KCTD2: variants seen among roughly 807,000 people sequenced by gnomAD.
The protein encoded by KCTD2 is potassium channel tetramerization domain containing 2.
Under a neutral mutation model 27.9 loss-of-function variants are expected in KCTD2, and 18 were observed. That is an observed-to-expected ratio of 0.64 (90% CI 0.45 to 0.96). KCTD2 has a LOEUF of 0.96. KCTD2 is among the 40% of genes least tolerant of loss of function. The probability of loss-of-function intolerance (pLI) is 0.00; values close to 1 mark genes in which losing one functional copy is unlikely to be tolerated. For synonymous variants in KCTD2, 175 were observed against 148.4 expected, an observed-to-expected ratio of 1.18 and a Z score of -1.30; for missense variants, 280 against 348.0, an observed-to-expected ratio of 0.80 and a Z score of 1.56.
chr17:75,038,839 A>G, intron 3 of KCTD2: 2 of 1,408,998 alleles, frequency 1.4e-6, no homozygotes, highest in East Asian at 2.3e-5. Context: ...TATCTCAACC[A>G]CAGAGAAGAA....
chr17:75,055,358 G>A (rs1205442599), intron 3 of KCTD2, among the ~76,000 whole-genome samples: 1 of 151,284 alleles, frequency 6.6e-6, no homozygotes, highest in East Asian at 2.0e-4. Context: ...CCTGGCATAA[G>A]TTTACTTTTA....
upstream of KCTD2, among the ~76,000 whole-genome samples, chr17:75,044,588 C>T (rs2073194370): frequency 6.6e-6 from 1 of 151,386 alleles, no homozygotes; most frequent in South Asian, 2.1e-4. Context: ...GTGATCCACC[C>T]ACCTCAGCCT....
intron 3 of KCTD2, among the ~76,000 whole-genome samples, chr17:75,038,510 G>C (rs529052384): frequency 6.6e-6 from 1 of 152,194 alleles, no homozygotes; most frequent in Non-Finnish European, 1.5e-5. Flanking sequence ...AATCCCTGCT[G>C]TTACACCTAG....
intron 3 of KCTD2, among the ~76,000 whole-genome samples, chr17:75,037,017 G>A (rs8077664): frequency 0.032 from 4,936 of 152,228 alleles, 271 homozygotes; most frequent in African/African-American, 0.11. Flanking sequence ...CTCGAGGGTT[G>A]TCAGGCATTG....
Position 75,063,195 on chromosome 17 carries a change from A to C in KCTD2, c.*148A>C. 2 of 753,162 alleles carry C rather than the reference A, an allele frequency of 2.7e-6. No homozygotes were observed. Among genetic ancestry groups the C allele is most frequent in the Non-Finnish European group, 4.6e-6 (2 of 436,348 alleles). The allele number at this position is 753,162 out of a possible 1,614,324, so 46.7% of individuals were successfully genotyped here. Reference sequence around the variant, plus strand: ...TGAAGAAGTGTTCTGGTCAAAACTAAAGGAACTCCCTCCCCACCTGCAGGA... The same window carrying C: ...TGAAGAAGTGTTCTGGTCAAAACTACAGGAACTCCCTCCCCACCTGCAGGA... On this transcript the variant is annotated 3_prime_UTR_variant, in exon 6 of 6. Transcript: ENST00000322444.
chr17:75,049,394 A>G, intron 2 of KCTD2, 66 bp downstream of exon 2: 1 of 1,073,150 alleles, frequency 9.3e-7, no homozygotes, highest in Non-Finnish European at 1.4e-6. Context: ...TGTTTTACAG[A>G]TTTCAATTTT....
upstream of KCTD2, among the ~76,000 whole-genome samples, chr17:75,045,758 G>A (rs1195144984): frequency 6.6e-6 from 1 of 152,070 alleles, no homozygotes; most frequent in Non-Finnish European, 1.5e-5. Context: ...TACAATTTTT[G>A]TAGTTAACAC....
intron 3 of KCTD2, chr17:75,042,015 T>C: frequency 1.7e-6 from 1 of 588,104 alleles, no homozygotes; most frequent in Non-Finnish European, 3.0e-6. Context: ...CCTAAATTCC[T>C]GCACCTATTT....
At position 75,047,398 on chromosome 17, in the gene KCTD2, G is replaced by A. The variant is rs2073235279; in HGVS notation, c.148G>A (p.Ala50Thr). ...CCGCGGGCACGGCCGCCCGGCTGCCGCCGTCGCGCAGCCGCTGGAGCCGGG... is the reference window on the plus strand; with the variant it reads ...CCGCGGGCACGGCCGCCCGGCTGCCACCGTCGCGCAGCCGCTGGAGCCGGG... The part of the protein sequence containing the change: ...TPRGHGRPAA[A>T]VAQPLEPGPG... The change falls in exon 1 of 6, where the codon GCC becomes ACC. Residue 50 changes from alanine to threonine, a missense_variant. Coordinates refer to ENST00000322444, the MANE Select transcript of KCTD2 (RefSeq NM_015353.3). 2.6e-6 allele frequency: 3 copies of A among 1,163,996 alleles called. No homozygotes were observed. Among genetic ancestry groups the A allele is most frequent in the Non-Finnish European group, 3.2e-6 (3 of 945,058 alleles). 72.1% of individuals were successfully genotyped at this position (1,163,996 alleles called of 1,614,324 possible).
intron 4 of KCTD2, 102 bp downstream of exon 4, chr17:75,059,707 C>T (rs1030656230): frequency 1.2e-6 from 1 of 865,342 alleles, no homozygotes; most frequent in Non-Finnish European, 1.8e-6. Flanking sequence ...CGGGAGACGG[C>T]TACGGCCAGG....
chr17:75,044,307 G>A (rs2073190904), upstream of KCTD2, among the ~76,000 whole-genome samples: 1 of 114,176 alleles, frequency 8.8e-6, no homozygotes, highest in East Asian at 3.3e-4. Flanking sequence ...CCGGGTTCAC[G>A]CCATTCTCCT....
In KCTD2 at chr17:75,065,484, C is replaced by G. The variant is rs2073448253; in HGVS notation, c.*2437C>G. 4.6e-5 allele frequency: 7 copies of G among 152,462 alleles called. No individual in the cohort carries two copies. Among genetic ancestry groups the G allele is most frequent in the Admixed American group, 4.6e-4 (7 of 15,260 alleles). 9.4% of individuals were successfully genotyped at this position (152,462 alleles called of 1,614,324 possible). On this transcript the variant is annotated 3_prime_UTR_variant, in exon 6 of 6. Coordinates refer to ENST00000322444, the MANE Select transcript of KCTD2 (RefSeq NM_015353.3). ...TACTGCCAAGTGGGGAGGGTCCTGC[C>G]TTTTTCTCTGCCCCAGGTCTGGGAC...
At chr17:75,051,469 G>A (rs2073286014) in intron 2 of KCTD2, among the ~76,000 whole-genome samples, 1 of 151,054 alleles carries the variant, frequency 6.6e-6, no homozygotes, top group South Asian at 2.1e-4. Flanking sequence ...ATTTTTGGTA[G>A]AGACGGGGGT....
chr17:75,053,186 T>TTCAA, intron 3 of KCTD2, 81 bp downstream of exon 3: 2 of 1,088,892 alleles, frequency 1.8e-6, no homozygotes, highest in Non-Finnish European at 2.8e-6. Context: ...AGGATGCCTT[T>TTCAA]ACCCTTAGAG....
chr17:75,047,210 C>T (rs943401235), upstream of KCTD2: 1 of 548,388 alleles, frequency 1.8e-6, no homozygotes, highest in Non-Finnish European at 2.4e-6. Flanking sequence ...TGGGCCGGCC[C>T]GGCTGCGCGC....
Position 75,039,848 on chromosome 17 carries a change from A to G in KCTD2, c.-259+4491A>G, listed in dbSNP as rs2073140542. The stretch of plus-strand genomic sequence containing the variant: ...CCATCCCCAGGCAGCCACTGTAGAC[A>G]AACTACATTTTCTAGAGTCTTACAA... On this transcript the variant is annotated intron_variant, in intron 3 of 7. Transcript: ENST00000581589. 4 of 519,054 alleles carry G rather than the reference A, an allele frequency of 7.7e-6. No individual in the cohort carries two copies. The African/African-American group carries it at 7.7e-5, about 10-fold the overall frequency. 32.2% of individuals were successfully genotyped at this position (519,054 alleles called of 1,614,324 possible). A position where few individuals can be genotyped will look rare whatever the true frequency, so the allele number is the denominator to read the frequency against.
chr17:75,040,447 T>G (rs2073147607), intron 3 of KCTD2: 1 of 437,822 alleles, frequency 2.3e-6, no homozygotes, highest in African/African-American at 2.0e-5. Context: ...TTTCTTCATC[T>G]GAAAAGGACA....
chr17:75,060,053 C>T (rs1329816423), intron 4 of KCTD2, among the ~76,000 whole-genome samples: 1 of 152,092 alleles, frequency 6.6e-6, no homozygotes, highest in African/African-American at 2.4e-5. Flanking sequence ...GATCAGGCGC[C>T]ATGGGAAGTG....
intron 2 of KCTD2, chr17:75,035,104 G>T (rs368812104): frequency 6.6e-6 from 1 of 152,200 alleles, no homozygotes; most frequent in South Asian, 2.1e-4. Flanking sequence ...GGAGGTAGCT[G>T]CAGCCGGAGA....
Sources: allele counts gnomAD v4.1 joint callset (sites outside exome capture counted in the v4.1 genomes callset), GRCh38; gene constraint gnomAD v4.1.1; transcripts MANE v1.5; gene names NCBI Gene and HGNC (gene_info 2026-07-23, HGNC 2026-07-21).